The following GRIP1 variants were observed in gnomAD, a reference collection of about 807,000 sequenced individuals.
The protein encoded by GRIP1 is glutamate receptor interacting protein 1, also known as glutamate receptor-interacting protein 1.
Under a neutral mutation model 129.9 loss-of-function variants are expected in GRIP1, and 45 were observed. That is an observed-to-expected ratio of 0.35 (90% CI 0.27 to 0.44). GRIP1 has a LOEUF of 0.44. Ranked by LOEUF, GRIP1 falls within the 20% of genes least tolerant of loss-of-function variation. The pLI, the probability that GRIP1 is intolerant of heterozygous loss-of-function variation, is 1.00. For missense variants in GRIP1, 1,196 were observed against 1,396.8 expected (o/e 0.86, Z 2.29); for synonymous variants, 530 against 520.8 (o/e 1.02, Z -0.24).
At chr12:66,440,314 A>T (rs1389490441) in intron 13 of GRIP1, among the ~76,000 whole-genome samples, 3 of 152,152 alleles carry the variant, frequency 2.0e-5, no homozygotes, top group Non-Finnish European at 2.9e-5. Flanking sequence ...GTTTCAAACA[A>T]TCCAATTATA....
In GRIP1 at chr12:66,895,979, C is replaced by T. The variant is rs2040740598; in HGVS notation, c.58+173071G>A. Among the ~76,000 whole-genome samples, 3 of 152,278 alleles carry T rather than the reference C, an allele frequency of 2.0e-5. No individual in the cohort carries two copies. In the South Asian group the frequency reaches 6.2e-4, roughly 32 times the overall value. On this transcript the variant is annotated intron_variant, in intron 1 of 1. Transcript: ENST00000643019. ...AAAAGTCACTGCCAGTTCTGCTATACTGGTAAAGAATCAATGGTCATTTTG... is the reference window on the plus strand; with the variant it reads ...AAAAGTCACTGCCAGTTCTGCTATATTGGTAAAGAATCAATGGTCATTTTG...
At chr12:66,441,657 T>A (rs2058474945) in intron 13 of GRIP1, among the ~76,000 whole-genome samples, 1 of 152,224 alleles carries the variant, frequency 6.6e-6, no homozygotes, top group Non-Finnish European at 1.5e-5. Flanking sequence ...CTTTCAATGA[T>A]CTGAAAATAG....
chr12:66,969,262 A>C (rs1465702609), intron 1 of GRIP1, among the ~76,000 whole-genome samples: 2 of 152,240 alleles, frequency 1.3e-5, no homozygotes, highest in East Asian at 3.9e-4. Context: ...GTCTGTCATT[A>C]ATTTTGGAAA....
chr12:66,542,519 G>A lies in GRIP1; in HGVS notation c.137-569C>T, dbSNP rs563769050. 2.6e-5 allele frequency among the ~76,000 whole-genome samples: 4 copies of A among 152,286 alleles called. No homozygotes were observed. In the South Asian group the frequency reaches 8.3e-4, roughly 32 times the overall value. On this transcript the variant is annotated intron_variant, in intron 2 of 24. Transcript: ENST00000359742. ...AATTCATGTCATTCTTGCAGAATAT[G>A]TCACAGTATGGCAAGGCAGGATTGA...
At chr12:66,956,612 T>C (rs553801147) in intron 1 of GRIP1, among the ~76,000 whole-genome samples, 13 of 152,310 alleles carry the variant, frequency 8.5e-5, no homozygotes, top group African/African-American at 2.6e-4. Flanking sequence ...AATTAATAAA[T>C]GTTTAGGAGA....
At chr12:66,908,754 T>C (rs2040978863) in intron 1 of GRIP1, among the ~76,000 whole-genome samples, 1 of 152,202 alleles carries the variant, frequency 6.6e-6, no homozygotes, top group African/African-American at 2.4e-5. Context: ...GGATACTGTT[T>C]TGATGATGGT....
chr12:66,650,795 A>G (rs2032738629), intron 1 of GRIP1, among the ~76,000 whole-genome samples: 1 of 152,206 alleles, frequency 6.6e-6, no homozygotes, highest in African/African-American at 2.4e-5. Flanking sequence ...TTTATTCAAC[A>G]AATCTCTATT....
chr12:66,468,848 A>G (rs941256547), intron 7 of GRIP1, among the ~76,000 whole-genome samples: 1 of 152,212 alleles, frequency 6.6e-6, no homozygotes. Flanking sequence ...ATCCTCTGCC[A>G]TCATTAATTT....
At chr12:66,627,962 A>G (rs892539816) in intron 1 of GRIP1, among the ~76,000 whole-genome samples, 12 of 152,224 alleles carry the variant, frequency 7.9e-5, no homozygotes, top group African/African-American at 2.6e-4. Context: ...AAAGGGAGAA[A>G]GGAAAGAGAT....
At chr12:66,780,942 C>G (rs1193843597) in intron 1 of GRIP1, among the ~76,000 whole-genome samples, 1 of 152,124 alleles carries the variant, frequency 6.6e-6, no homozygotes, top group Non-Finnish European at 1.5e-5. Flanking sequence ...TCAGCTAACA[C>G]TAAGCTGAGG....
intron 1 of GRIP1, among the ~76,000 whole-genome samples, chr12:66,760,822 A>G (rs2037451821): frequency 6.6e-6 from 1 of 152,130 alleles, no homozygotes; most frequent in Non-Finnish European, 1.5e-5. Flanking sequence ...TCTCAGATCA[A>G]ACTTCAAATT....
chr12:66,593,303 G>T (rs531361478), intron 2 of GRIP1, among the ~76,000 whole-genome samples: 3 of 152,210 alleles, frequency 2.0e-5, no homozygotes, highest in African/African-American at 7.2e-5. Context: ...GTTAGAATTG[G>T]TATTTAATGA....
intron 7 of GRIP1, among the ~76,000 whole-genome samples, chr12:66,470,218 G>C (rs766508996): frequency 5.9e-5 from 9 of 152,146 alleles, no homozygotes; most frequent in Non-Finnish European, 8.8e-5. Context: ...TGGTAATGGA[G>C]TACAGGTTCT....
intron 1 of GRIP1, among the ~76,000 whole-genome samples, chr12:67,047,409 C>T (rs1340408196): frequency 6.6e-6 from 1 of 152,014 alleles, no homozygotes; most frequent in Non-Finnish European, 1.5e-5. Flanking sequence ...TCCTTTCAAT[C>T]TTTTTTCTGT....
chr12:66,779,835 C>T (rs1162456343), intron 1 of GRIP1, among the ~76,000 whole-genome samples: 1 of 152,194 alleles, frequency 6.6e-6, no homozygotes. Flanking sequence ...GGGGAAGCTA[C>T]TGTAGACAGG....
At chr12:66,392,183 T>G in intron 19 of GRIP1, 125 bp downstream of exon 19, 2 of 687,594 alleles carry the variant, frequency 2.9e-6, no homozygotes, top group South Asian at 3.3e-5. Context: ...TCAATATGAT[T>G]ATGGCTGCAC....
intron 1 of GRIP1, among the ~76,000 whole-genome samples, chr12:66,828,024 T>A (rs1348734119): frequency 6.6e-6 from 1 of 152,198 alleles, no homozygotes; most frequent in Admixed American, 6.5e-5. Context: ...TACACATCAC[T>A]GTCAAATCCT....
chr12:66,778,822 A>G (rs186245035), intron 1 of GRIP1, among the ~76,000 whole-genome samples: 39 of 152,328 alleles, frequency 2.6e-4, no homozygotes, highest in Middle Eastern at 6.8e-3. Flanking sequence ...TTTAGTAGAC[A>G]TAGGAAAGGG....
At position 66,455,504 on chromosome 12, in the gene GRIP1, A is replaced by C. The variant is rs1350057255; in HGVS notation, c.1259T>G (p.Leu420Arg). The change falls in exon 11 of 25, where the codon CTG becomes CGG. Residue 420 changes from leucine (L) to arginine (R), a missense_variant. Coordinates refer to ENST00000359742, the MANE Select transcript of GRIP1 (RefSeq NM_001366722.1). The stretch of plus-strand genomic sequence containing the variant: ...GCTTCGAGGTAGAGTCCCCATGTTC[A>C]GGGAACTCAGGCTGTATGCACTCAT... ...TSMSAYSLSS[L>R]NMGTLPRSLY... 6.2e-7 allele frequency: 1 copy of C among 1,612,340 alleles called. No homozygotes were observed. Among genetic ancestry groups the C allele is most frequent in the Non-Finnish European group, 8.5e-7 (1 of 1,178,458 alleles).
Sources: gnomAD v4.1 joint callset for allele counts (sites outside exome capture counted in the v4.1 genomes callset) on GRCh38, gnomAD v4.1.1 for gene constraint, MANE v1.5 for transcripts, NCBI Gene and HGNC (gene_info 2026-07-23, HGNC 2026-07-21) for gene names.